GRIA2: variants seen among roughly 807,000 people sequenced by gnomAD.
GRIA2 encodes the protein glutamate receptor 2.
Under a neutral mutation model 97.3 loss-of-function variants are expected in GRIA2, and 14 were observed. The ratio of observed to expected loss-of-function variants is 0.14; its 90% CI spans 0.10 to 0.23. The LOEUF is 0.23. Among genes scored for constraint, GRIA2 ranks in the 10% least tolerant of loss-of-function variants. The pLI, the probability that GRIA2 is intolerant of heterozygous loss-of-function variation, is 1.00. For missense variants in GRIA2, 558 were observed against 1,069.8 expected (o/e 0.52, Z 6.67); for synonymous variants, 412 against 387.8 (o/e 1.06, Z -0.73).
chr4:157,264,336 C>G (rs529782865), intron 2 of GRIA2, among the ~76,000 whole-genome samples: 1 of 152,182 alleles, frequency 6.6e-6, no homozygotes, highest in South Asian at 2.1e-4. Context: ...CATTTCCTTG[C>G]CTTGTCCAAC....
In GRIA2 at chr4:157,317,700, A is replaced by C; in HGVS notation, c.709A>C (p.Ile237Leu). 1 of 1,227,560 alleles carries C rather than the reference A, an allele frequency of 8.1e-7. No individual in the cohort carries two copies. The highest frequency in any genetic ancestry group is 1.2e-6 in the Non-Finnish European group (1 of 834,148). The allele number at this position is 1,227,560 out of a possible 1,614,324, so 76.0% of individuals were successfully genotyped here. The change falls in exon 5 of 16, where the codon ATT (isoleucine) becomes CTT (leucine). Residue 237 changes from isoleucine to leucine, a missense_variant. Around this residue, in one of 8 missense-constraint regions of GRIA2, gnomAD observed 173 missense variants for 209.1 expected, o/e 0.83. Coordinates refer to ENST00000264426, the MANE Select transcript of GRIA2 (RefSeq NM_001083619.3). ...ACATGTTAAAGGGTACCACTACATC[A>C]TTGCAAATCTGGTAGGTGAATTAAT... ...GKHVKGYHYIIANLGFTDGDL... is the reference protein window; with the variant it reads ...GKHVKGYHYILANLGFTDGDL...
chr4:157,326,416 TA>T (rs541775013), intron 6 of GRIA2, among the ~76,000 whole-genome samples: 3 of 152,022 alleles, frequency 2.0e-5, no homozygotes, highest in South Asian at 2.1e-4. Flanking sequence ...AAGTGCCATT[TA>T]AAAAAAATTC....
intron 2 of GRIA2, among the ~76,000 whole-genome samples, chr4:157,280,196 T>C (rs1287767541): frequency 6.6e-6 from 1 of 152,150 alleles, no homozygotes; most frequent in African/African-American, 2.4e-5. Context: ...TGGCTAAAGA[T>C]ACAACCATAC....
At chr4:157,296,364 C>A (rs1025632559) in intron 2 of GRIA2, among the ~76,000 whole-genome samples, 1 of 151,908 alleles carries the variant, frequency 6.6e-6, no homozygotes, top group East Asian at 1.9e-4. Flanking sequence ...CATAAGAACC[C>A]GTTTTATGTC....
In GRIA2 at chr4:157,361,513, T is replaced by C. The variant is rs542047800; in HGVS notation, c.2406+389T>C. 1 of 1,380,462 alleles carries C rather than the reference T, an allele frequency of 7.2e-7. No homozygotes were observed. The highest frequency in any genetic ancestry group is 2.3e-5 in the East Asian group (1 of 43,704). The allele number at this position is 1,380,462 out of a possible 1,614,324, so 85.5% of individuals were successfully genotyped here. A position where few individuals can be genotyped will look rare whatever the true frequency, so the allele number is the denominator to read the frequency against. On this transcript the variant is annotated intron_variant, in intron 14 of 15. Transcript: ENST00000264426. The surrounding 1 kb of genome is among the most constrained non-coding windows in gnomAD (Gnocchi z 5.2). ...TAACATAAAATAACATTGATAATGTTATTTATGTTATTTTCCACGTGAAGA... is the reference window on the plus strand; with the variant it reads ...TAACATAAAATAACATTGATAATGTCATTTATGTTATTTTCCACGTGAAGA...
chr4:157,299,133 A>G (rs1275193321), intron 2 of GRIA2, among the ~76,000 whole-genome samples: 1 of 152,150 alleles, frequency 6.6e-6, no homozygotes, highest in African/African-American at 2.4e-5. Flanking sequence ...CGGAAAGGGA[A>G]AGAATTTTAA....
chr4:157,228,865 C>T (rs1420389584), intron 2 of GRIA2, among the ~76,000 whole-genome samples: 1 of 67,364 alleles, frequency 1.5e-5, no homozygotes, highest in Admixed American at 2.2e-4. Context: ...AACCCAAAAG[C>T]AAGAACCTTG....
At chr4:157,234,909 T>C (rs553526340) in intron 2 of GRIA2, among the ~76,000 whole-genome samples, 38 of 152,236 alleles carry the variant, frequency 2.5e-4, no homozygotes, top group African/African-American at 9.1e-4. Context: ...TTTTACTTAC[T>C]GACAATGAGT....
intron 6 of GRIA2, among the ~76,000 whole-genome samples, chr4:157,329,855 C>G (rs1276019915): frequency 6.6e-6 from 1 of 151,850 alleles, no homozygotes; most frequent in Admixed American, 6.6e-5. Context: ...CTTTTCCTTG[C>G]AAAATTGTGA....
intron 2 of GRIA2, among the ~76,000 whole-genome samples, chr4:157,247,383 T>C (rs1180099386): frequency 6.6e-6 from 1 of 152,108 alleles, no homozygotes; most frequent in African/African-American, 2.4e-5. Context: ...CTGTATTTTG[T>C]GTAAATGTGG....
At chr4:157,306,504 T>C (rs1733851376) in intron 3 of GRIA2, among the ~76,000 whole-genome samples, 1 of 152,192 alleles carries the variant, frequency 6.6e-6, no homozygotes, top group Non-Finnish European at 1.5e-5. Context: ...AGAGTGATAA[T>C]ATTAAGTAAT....
chr4:157,275,315 G>A (rs1732242054), intron 2 of GRIA2, among the ~76,000 whole-genome samples: 1 of 152,118 alleles, frequency 6.6e-6, no homozygotes, highest in African/African-American at 2.4e-5. Flanking sequence ...CCATTCTGTA[G>A]GCTGCCTGTT....
chr4:157,360,921 G>C, intron 13 of GRIA2, 89 bp from the exon 14 acceptor site: 1 of 938,474 alleles, frequency 1.1e-6, no homozygotes, highest in Non-Finnish European at 1.7e-6. Flanking sequence ...AGTTGCCACA[G>C]AAGCCAAAGA....
In GRIA2 at chr4:157,333,338, T is replaced by G; in HGVS notation, c.1140T>G (p.Thr380=). Residue 380 remains threonine, a synonymous_variant, in exon 8 of 16, where the codon ACT becomes ACG. Coordinates refer to ENST00000264426, the MANE Select transcript of GRIA2 (RefSeq NM_001083619.3). ...CAATTAACATCATGGAGCTCAAAAC[T>G]AATGGGCCCCGGAAGGTAAATCCTT... The part of the protein sequence containing the change: ...NYTINIMELK[T]NGPRKIGYWS... 1 of 1,579,628 alleles carries G rather than the reference T, an allele frequency of 6.3e-7. No homozygotes were observed. Among genetic ancestry groups the G allele is most frequent in the East Asian group, 2.2e-5 (1 of 44,542 alleles).
chr4:157,290,427 T>C (rs917313131), intron 2 of GRIA2, among the ~76,000 whole-genome samples: 3 of 151,694 alleles, frequency 2.0e-5, no homozygotes, highest in African/African-American at 7.3e-5. Context: ...TCTTCCTCAT[T>C]AATATTCATG....
intron 2 of GRIA2, among the ~76,000 whole-genome samples, chr4:157,290,973 G>T (rs759381094): frequency 5.9e-5 from 9 of 151,890 alleles, no homozygotes; most frequent in Non-Finnish European, 1.2e-4. Context: ...AAGTGCATAT[G>T]TTCTCCAGAA....
chr4:157,325,670 A>T (rs2126916022), intron 6 of GRIA2, among the ~76,000 whole-genome samples: 1 of 152,250 alleles, frequency 6.6e-6, no homozygotes, highest in South Asian at 2.1e-4. Flanking sequence ...TTCTTATCCC[A>T]GTTGATGGCA....
rs140548335 is a variant in GRIA2, at chr4:157,307,785, A to G, written c.469+3994A>G. ...TTTATATCTGTATATCTTGGTTTCA[A>G]TATCGAGCAATATTATTTGTCCTCT... On this transcript the variant is annotated intron_variant, in intron 3 of 15. Transcript: ENST00000264426. Among the ~76,000 whole-genome samples the G allele has an allele frequency of 2.4e-3, 372 of 152,326 alleles. 4 individuals carry two copies. The highest frequency in any genetic ancestry group is 2.2e-3 in the Non-Finnish European group (149 of 68,030).
intron 2 of GRIA2, among the ~76,000 whole-genome samples, chr4:157,222,989 G>C (rs1048829732): frequency 3.9e-5 from 6 of 152,114 alleles, no homozygotes; most frequent in Admixed American, 3.3e-4. Flanking sequence ...CCTAATATTC[G>C]CAGTCGTTAT....
Sources: allele counts gnomAD v4.1 joint callset (sites outside exome capture counted in the v4.1 genomes callset), GRCh38; gene constraint gnomAD v4.1.1; regional missense constraint gnomAD v4.1.1; non-coding constraint Gnocchi (gnomAD v3.1); transcripts MANE v1.5; gene names NCBI Gene and HGNC (gene_info 2026-07-23, HGNC 2026-07-21).